Variants in RGS12 observed in about 807,000 individuals in gnomAD.
The protein encoded by RGS12 is regulator of G protein signaling 12, also known as regulator of G-protein signaling 12.
A neutral mutation model predicts 120.1 loss-of-function variants in RGS12; 66 were observed. The ratio of observed to expected loss-of-function variants is 0.55; its 90% CI spans 0.45 to 0.67. The LOEUF (loss-of-function observed/expected upper bound fraction) is 0.67. RGS12 is among the 30% of genes least tolerant of loss of function. The pLI, the probability that RGS12 is intolerant of heterozygous loss-of-function variation, is 0.00. For synonymous variants in RGS12, 827 were observed against 804.7 expected (o/e 1.03, Z -0.47); for missense variants, 1,859 against 1,957.7 (o/e 0.95, Z 0.95).
In RGS12 at chr4:3,417,072, A is replaced by G. The variant is rs1199725259; in HGVS notation, c.2587A>G (p.Ser863Gly). ...SKHSLGSDHS[S>G]VSTPKKLSGK... is the part of the protein sequence containing the mutation. The stretch of plus-strand genomic sequence containing the variant: ...GCACAGCCTCGGTTCAGACCACTCC[A>G]GTGTGTCCACGCCAAAAAAGGTGAC... The change falls in exon 8 of 18, where the codon AGT becomes GGT. Residue 863 changes from serine (S) to glycine (G), a missense_variant. Physicochemically the swap from Ser to Gly is moderately conservative, Grantham distance 56 (BLOSUM62 0). Coordinates refer to ENST00000336727, the MANE Select transcript of RGS12 (RefSeq NM_001394154.1). 6.2e-7 allele frequency: 1 copy of G among 1,607,416 alleles called. No individual in the cohort carries two copies. Among genetic ancestry groups the G allele is most frequent in the East Asian group, 2.2e-5 (1 of 44,710 alleles).
At chr4:3,318,147 G>C (rs1047751123) in intron 2 of RGS12, 96 bp downstream of exon 2, 64 of 1,114,160 alleles carry the variant, frequency 5.7e-5, no homozygotes, top group Non-Finnish European at 8.3e-5. Flanking sequence ...CACAGTCCTG[G>C]CTTCCTCCTG....
intron 2 of RGS12, among the ~76,000 whole-genome samples, chr4:3,337,274 G>A (rs1198695273): frequency 1.3e-5 from 2 of 152,246 alleles, no homozygotes; most frequent in African/African-American, 4.8e-5. Context: ...TGCTGGGAAT[G>A]CCAAGTGCCG....
At chr4:3,392,433 T>TG (rs2108998695) in intron 4 of RGS12, among the ~76,000 whole-genome samples, 1 of 152,344 alleles carries the variant, frequency 6.6e-6, no homozygotes, top group Non-Finnish European at 1.5e-5. Context: ...TTAGGCCACC[T>TG]GGTTTTCCCT....
chr4:3,362,759 ATGTGAGGGTGTGAGTTAGGGTGTG>A (rs1715793647), intron 3 of RGS12, among the ~76,000 whole-genome samples: 2 of 86,910 alleles, frequency 2.3e-5, no homozygotes, highest in Non-Finnish European at 4.6e-5. Context: ...GTGTGTGAAG[ATGTGAGGGTGTGAGTTAGGGTGTG>A]TGTGAGGGTG....
At chr4:3,287,488 C>A in the RGS12 span, among the ~76,000 whole-genome samples, 1 of 152,236 alleles carries the variant, frequency 6.6e-6, no homozygotes, top group African/African-American at 2.4e-5. Context: ...GGGGTTCACG[C>A]CACACACGTG....
rs140985644 is a variant in RGS12, at chr4:3,438,258, C to T, written c.4115-1197C>T. ...TGTCTCAGGGCCTCAGCCCCAGGCT[C>T]ACTGAGGAAGGGAGCTCCTGGACCC... On this transcript the variant is annotated intron_variant, in intron 17 of 17. Transcript: ENST00000336727. Among the ~76,000 whole-genome samples, 1,058 of 152,094 alleles carry T rather than the reference C, an allele frequency of 7.0e-3. 16 individuals carry two copies. Among genetic ancestry groups the T allele is most frequent in the African/African-American group, 0.024 (1,000 of 41,498 alleles).
rs150493902 is a variant in RGS12 at position 3,334,164 on chromosome 4, A to T, written c.1882-8773A>T. Among the ~76,000 whole-genome samples, 1,081 of 152,362 alleles carry T rather than the reference A, an allele frequency of 7.1e-3. 5 individuals carry two copies. The highest frequency in any genetic ancestry group is 0.017 in the Middle Eastern group (5 of 294). ...CTTATGATATGTGGAAGTATAATTG[A>T]CTAGTTGCTTTTTATATCTAGCTAC... On this transcript the variant is annotated intron_variant, in intron 2 of 17. Coordinates refer to ENST00000336727, the MANE Select transcript of RGS12 (RefSeq NM_001394154.1).
intron 3 of RGS12, chr4:3,378,309 C>G (rs1464179326): frequency 6.6e-6 from 1 of 152,100 alleles, no homozygotes; most frequent in Non-Finnish European, 1.5e-5. Context: ...AAAAAAACTC[C>G]TAGGAGAAAA....
rs1723166594 is a variant in RGS12, at chr4:3,422,794, T to C, written c.3034-111T>C. On this transcript the variant is annotated intron_variant, in intron 11 of 17. Coordinates refer to ENST00000336727, the MANE Select transcript of RGS12 (RefSeq NM_001394154.1). Reference sequence around the variant, plus strand: ...GGTGATCGCTTTCTTTGGATGGCTGTTTTTGAAGCTGCTCTTCTGCTCTGC... The same window carrying C: ...GGTGATCGCTTTCTTTGGATGGCTGCTTTTGAAGCTGCTCTTCTGCTCTGC... 2.7e-6 allele frequency: 3 copies of C among 1,092,770 alleles called. No homozygotes were observed. In the South Asian group the frequency reaches 3.9e-5, roughly 14 times the overall value. The allele number at this position is 1,092,770 out of a possible 1,614,324, so 67.7% of individuals were successfully genotyped here.
chr4:3,406,989 A>G (rs997551663), intron 4 of RGS12, among the ~76,000 whole-genome samples: 5 of 152,250 alleles, frequency 3.3e-5, no homozygotes, highest in Non-Finnish European at 7.3e-5. Flanking sequence ...ACCTGCTTAT[A>G]AAAAGATAGG....
chr4:3,392,125 T>A (rs191996978), intron 4 of RGS12, among the ~76,000 whole-genome samples: 2 of 152,260 alleles, frequency 1.3e-5, no homozygotes, highest in Admixed American at 6.5e-5. Flanking sequence ...TAGAAGTAGA[T>A]CCTGAGTGTG....
rs1978033 is a variant in RGS12 at position 3,314,605 on chromosome 4, C to T, written c.-101-1465C>T. 538 of 152,268 alleles carry T rather than the reference C, an allele frequency of 3.5e-3. 1 individual carries two copies. The highest frequency in any genetic ancestry group is 5.7e-3 in the Non-Finnish European group (387 of 68,036). 9.4% of individuals were successfully genotyped at this position (152,268 alleles called of 1,614,324 possible). On this transcript the variant is annotated intron_variant, in intron 1 of 17. Coordinates refer to ENST00000336727, the MANE Select transcript of RGS12 (RefSeq NM_001394154.1). ...ATTTTTGGTAGAGACAAGGTTTCAC[C>T]GTGTTAGCCAGGATGGTCTTGATCT...
In RGS12 at chr4:3,374,271, C is replaced by G. The variant is rs1216756804; in HGVS notation, c.1999-12145C>G. On this transcript the variant is annotated intron_variant, in intron 3 of 17. Transcript: ENST00000336727. This position sits in a 1 kb window ranked among gnomAD's most constrained non-coding sequence, Gnocchi z 6.3. ...TGCTGGGCCAGCTTGCCTTGGGCTTCTGCAGCAGCGCCCTCCGGGTTCCCC... is the reference window on the plus strand; with the variant it reads ...TGCTGGGCCAGCTTGCCTTGGGCTTGTGCAGCAGCGCCCTCCGGGTTCCCC... Among the ~76,000 whole-genome samples, 1 of 152,264 alleles carries G rather than the reference C, an allele frequency of 6.6e-6. No individual in the cohort carries two copies. The highest frequency in any genetic ancestry group is 1.5e-5 in the Non-Finnish European group (1 of 68,052).
At chr4:3,369,275 A>G (rs1716717056) in intron 3 of RGS12, among the ~76,000 whole-genome samples, 1 of 152,234 alleles carries the variant, frequency 6.6e-6, no homozygotes, top group African/African-American at 2.4e-5. Flanking sequence ...TTCTGCAAGC[A>G]GCCATTGTGC....
chr4:3,439,541 G>A lies in RGS12; in HGVS notation c.4201G>A (p.Gly1401Ser). ...AACTGGCTCGGCGCCCGGGCGGGAT[G>A]GTGGCATAGCGGGGGCACAGGCTGG... is the stretch of plus-strand genomic sequence containing the variant. ...LVTGSAPGRD[G>S]GIAGAQAGPG... Residue 1401 changes from glycine to serine, a missense_variant, in exon 18 of 18, where the codon GGT (glycine) becomes AGT (serine). Transcript: ENST00000336727. 1 of 1,612,618 alleles carries A rather than the reference G, an allele frequency of 6.2e-7. No individual in the cohort carries two copies. Among genetic ancestry groups the A allele is most frequent in the Non-Finnish European group, 8.5e-7 (1 of 1,179,794 alleles).
chr4:3,438,843 G>A (rs1024932906), intron 17 of RGS12, among the ~76,000 whole-genome samples: 5 of 152,186 alleles, frequency 3.3e-5, no homozygotes, highest in African/African-American at 1.2e-4. Context: ...GCCTCAGTAG[G>A]GGGGCCAGGG....
Position 3,433,036 on chromosome 4 carries a change from T to G in RGS12, c.4114+2081T>G, listed in dbSNP as rs965210613. Among the ~76,000 whole-genome samples, 1 of 152,210 alleles carries G rather than the reference T, an allele frequency of 6.6e-6. No individual in the cohort carries two copies. The highest frequency in any genetic ancestry group is 2.4e-5 in the African/African-American group (1 of 41,462). On this transcript the variant is annotated intron_variant, in intron 17 of 17. Coordinates refer to ENST00000336727, the MANE Select transcript of RGS12 (RefSeq NM_001394154.1). This position sits in a 1 kb window ranked among gnomAD's most constrained non-coding sequence, Gnocchi z 4.4. Reference sequence around the variant, plus strand: ...CCCACTCTAATGGGATTCTCTGTATTGGAGAGTTCACCTGCCCATGGCGGC... The same window carrying G: ...CCCACTCTAATGGGATTCTCTGTATGGGAGAGTTCACCTGCCCATGGCGGC...
intron 13 of RGS12, among the ~76,000 whole-genome samples, chr4:3,424,522 C>T (rs887985211): frequency 6.6e-6 from 1 of 152,222 alleles, no homozygotes; most frequent in African/African-American, 2.4e-5. Context: ...TGGGGAGACG[C>T]TGCGCAATTG....
intron 1 of RGS12, among the ~76,000 whole-genome samples, chr4:3,307,874 CTTCT>C (rs1215778924): frequency 1.3e-5 from 2 of 152,260 alleles, no homozygotes; most frequent in Admixed American, 1.3e-4. Flanking sequence ...AGGGTCCTTC[CTTCT>C]TTCTTCCCAA....
Sources: allele counts gnomAD v4.1 joint callset (sites outside exome capture counted in the v4.1 genomes callset), GRCh38; gene constraint gnomAD v4.1.1; non-coding constraint Gnocchi (gnomAD v3.1); transcripts MANE v1.5; gene names NCBI Gene and HGNC (gene_info 2026-07-23, HGNC 2026-07-21).